The following CNTNAP2 variants were observed in gnomAD, a reference collection of about 807,000 sequenced individuals.
CNTNAP2 encodes contactin-associated protein-like 2.
CNTNAP2 carries 98 observed loss-of-function variants against 155.2 expected under a neutral mutation model. The ratio of observed to expected loss-of-function variants is 0.63; its 90% confidence interval spans 0.54 to 0.75. The LOEUF is 0.75. CNTNAP2 is among the 30% of genes least tolerant of loss of function. The pLI is 0.00. For missense variants in CNTNAP2, 1,727 were observed against 1,688.1 expected (o/e 1.02, Z -0.40); for synonymous variants, 651 against 631.2 (o/e 1.03, Z -0.47).
At chr7:148,365,376 T>G (rs1376314202) in intron 21 of CNTNAP2, among the ~76,000 whole-genome samples, 1 of 152,154 alleles carries the variant, frequency 6.6e-6, no homozygotes, top group East Asian at 1.9e-4. Context: ...AATATTACTG[T>G]CTAGCAGGCT....
chr7:148,263,101 G>A (rs1360855304), intron 20 of CNTNAP2: 1 of 152,152 alleles, frequency 6.6e-6, no homozygotes, highest in Non-Finnish European at 1.5e-5. Flanking sequence ...CTCGTGGTAA[G>A]ATCAGAGACT....
rs114360220 is a variant in CNTNAP2, at chr7:146,183,875, C to G, written c.97+66902C>G. ...TGTTACCTTTACCTGACCATTACCT[C>G]GAGGAATCTCTCAAGGCTCACACTC... On this transcript the variant is annotated intron_variant, in intron 1 of 23. Transcript: ENST00000361727. Among the ~76,000 whole-genome samples, 796 of 152,192 alleles carry G rather than the reference C, an allele frequency of 5.2e-3. 6 individuals carry two copies. The highest frequency in any genetic ancestry group is 0.018 in the African/African-American group (754 of 41,530).
At chr7:148,167,174 T>A (rs576706497) in intron 17 of CNTNAP2, among the ~76,000 whole-genome samples, 2 of 152,116 alleles carry the variant, frequency 1.3e-5, no homozygotes, top group Non-Finnish European at 2.9e-5. Context: ...GTTTCTTTCT[T>A]TTTTGCCCAG....
intron 16 of CNTNAP2, among the ~76,000 whole-genome samples, chr7:148,133,376 C>T (rs138837587): frequency 9.5e-4 from 144 of 152,196 alleles, no homozygotes; most frequent in African/African-American, 3.2e-3. Context: ...GCAGGAGAAT[C>T]GCTTGAACCT....
Position 148,217,520 on chromosome 7 carries a change from C to T in CNTNAP2, c.3243C>T (p.Pro1081=), listed in dbSNP as rs1795666152. ...TTDFLAVLVK[P]TGSLQIRYNL... ...ACTTCTTGGCAGTCCTCGTCAAACC[C>T]ACTGGTAAGGACAAGGATACCCAGC... Residue 1081 remains proline, a synonymous_variant, in exon 19 of 24, where the codon CCC becomes CCT. Coordinates refer to ENST00000361727, the MANE Select transcript of CNTNAP2 (RefSeq NM_014141.6). 1 of 1,614,080 alleles carries T rather than the reference C, an allele frequency of 6.2e-7. No individual in the cohort carries two copies. Among genetic ancestry groups the T allele is most frequent in the Non-Finnish European group, 8.5e-7 (1 of 1,179,944 alleles).
chr7:147,977,934 C>T lies in CNTNAP2; in HGVS notation c.2328C>T (p.Asp776=). 1.2e-6 allele frequency: 2 copies of T among 1,614,112 alleles called. No homozygotes were observed. The highest frequency in any genetic ancestry group is 1.7e-6 in the Non-Finnish European group (2 of 1,180,024). The change falls in exon 15 of 24, where the codon GAC becomes GAT. Residue 776 remains aspartate, a synonymous_variant. Coordinates refer to ENST00000361727, the MANE Select transcript of CNTNAP2 (RefSeq NM_014141.6). ...PVSQVVVGDT[D]RQGSEAKLSV... ...GCCAAGTGGTGGTTGGAGATACTGA[C>T]CGTCAAGGCTCAGAAGCCAAATTGA...
intron 13 of CNTNAP2, among the ~76,000 whole-genome samples, chr7:147,883,706 C>A (rs917773652): frequency 3.3e-5 from 5 of 152,160 alleles, no homozygotes; most frequent in Admixed American, 6.5e-5. Context: ...TACACCGAAA[C>A]ACCAGAATTC....
chr7:147,319,828 A>T (rs2692150), intron 9 of CNTNAP2, among the ~76,000 whole-genome samples: 74,714 of 152,058 alleles, frequency 0.49, 19,519 homozygotes, highest in East Asian at 0.73. Flanking sequence ...TTTAAACTGG[A>T]TGAAGGGGCT....
At chr7:146,862,608 A>G (rs148985806) in intron 3 of CNTNAP2, among the ~76,000 whole-genome samples, 1 of 152,220 alleles carries the variant, frequency 6.6e-6, no homozygotes. Context: ...GGAAAGGCAT[A>G]ATGTTACTTG....
chr7:146,159,553 A>G (rs142710322), intron 1 of CNTNAP2, among the ~76,000 whole-genome samples: 2,314 of 152,244 alleles, frequency 0.015, 51 homozygotes, highest in African/African-American at 0.052. Context: ...AAGATCTACC[A>G]AGCAAATGGA....
intron 1 of CNTNAP2, among the ~76,000 whole-genome samples, chr7:146,383,738 C>T (rs574033454): frequency 6.6e-6 from 1 of 152,174 alleles, no homozygotes; most frequent in South Asian, 2.1e-4. Context: ...TAAATTCTGA[C>T]CATAGACATT....
chr7:147,247,853 A>G (rs1804100035), intron 8 of CNTNAP2, among the ~76,000 whole-genome samples: 1 of 152,186 alleles, frequency 6.6e-6, no homozygotes. Context: ...AGCATGCTCT[A>G]AAACATTTAT....
In CNTNAP2 at chr7:146,817,703, C is replaced by G. The variant is rs796800987; in HGVS notation, c.209-22008C>G. Among the ~76,000 whole-genome samples the G allele has an allele frequency of 2.0e-4, 30 of 152,004 alleles. No homozygotes were observed. The South Asian group carries it at 3.5e-3, about 18-fold the overall frequency. ...GAGATGCTACTCACTTTTAAACAAC[C>G]AGATCTCGTGAGAACTCCCTCATCA... On this transcript the variant is annotated intron_variant, in intron 2 of 23. Transcript: ENST00000361727.
chr7:146,957,610 A>G (rs1046760419), intron 3 of CNTNAP2, among the ~76,000 whole-genome samples: 1 of 152,196 alleles, frequency 6.6e-6, no homozygotes, highest in African/African-American at 2.4e-5. Flanking sequence ...GCCAGGGAAA[A>G]GGAGAGTGAT....
chr7:146,408,851 T>A (rs1015420973), intron 1 of CNTNAP2, among the ~76,000 whole-genome samples: 2 of 148,352 alleles, frequency 1.3e-5, no homozygotes, highest in Middle Eastern at 6.9e-3. Flanking sequence ...ACACAGATAT[T>A]AAAAAAAAAA....
chr7:147,991,496 A>G lies in CNTNAP2; in HGVS notation c.2383+13507A>G, dbSNP rs973300891. Among the ~76,000 whole-genome samples, 16 of 152,292 alleles carry G rather than the reference A, an allele frequency of 1.1e-4. 1 individual carries two copies. In the East Asian group the frequency reaches 3.1e-3, roughly 29 times the overall value. ...TTTTAACCTCAACAGGGTTTTGCAC[A>G]TTTATTCATCTTAACTAAATGAAAA... is the stretch of plus-strand genomic sequence containing the variant. On this transcript the variant is annotated intron_variant, in intron 15 of 23. Coordinates refer to ENST00000361727, the MANE Select transcript of CNTNAP2 (RefSeq NM_014141.6).
At chr7:147,296,517 A>C (rs563493715) in intron 8 of CNTNAP2, among the ~76,000 whole-genome samples, 1 of 152,332 alleles carries the variant, frequency 6.6e-6, no homozygotes, top group Non-Finnish European at 1.5e-5. Flanking sequence ...ATAAGAAATA[A>C]CATTTATTGT....
chr7:148,198,049 C>T (rs1462701819), intron 18 of CNTNAP2, among the ~76,000 whole-genome samples: 1 of 152,196 alleles, frequency 6.6e-6, no homozygotes, highest in African/African-American at 2.4e-5. Flanking sequence ...CTCAACATGG[C>T]GGAACTGGAA....
In CNTNAP2 at chr7:147,234,334, C is replaced by T. The variant is rs374011472; in HGVS notation, c.1349-65807C>T. Among the ~76,000 whole-genome samples the T allele has an allele frequency of 8.9e-3, 953 of 107,520 alleles. 6 individuals are homozygous for T. Among genetic ancestry groups the T allele is most frequent in the Non-Finnish European group, 0.012 (706 of 57,462 alleles). 70.5% of individuals were successfully genotyped at this position (107,520 alleles called of 152,430 possible). A position where few individuals can be genotyped will look rare whatever the true frequency, so the allele number is the denominator to read the frequency against. ...TTTCACCAGTTGTCCCAAGAGTATT[C>T]TTTTTTTTTTTTTTTTTTTTTGAGA... On this transcript the variant is annotated intron_variant, in intron 8 of 23. Coordinates refer to ENST00000361727, the MANE Select transcript of CNTNAP2 (RefSeq NM_014141.6).
Sources: gnomAD v4.1 joint callset for allele counts (sites outside exome capture counted in the v4.1 genomes callset) on GRCh38, gnomAD v4.1.1 for gene constraint, MANE v1.5 for transcripts, NCBI Gene and HGNC (gene_info 2026-07-23, HGNC 2026-07-21) for gene names.